Variants in C9 observed in about 807,000 individuals in gnomAD.
C9 encodes complement component C9.
Under a neutral mutation model 65.4 loss-of-function variants are expected in C9, and 63 were observed. The ratio of observed to expected loss-of-function variants is 0.96; its 90% CI spans 0.79 to 1.19. C9 has a LOEUF of 1.19. Ranked by LOEUF, C9 falls within the 50% of genes most tolerant of loss-of-function variation. The pLI, the probability that C9 is intolerant of heterozygous loss-of-function variation, is 0.00. For synonymous variants in C9, 229 were observed against 227.9 expected, an observed-to-expected ratio of 1.00 and a Z score of -0.04; for missense variants, 744 against 670.1, an observed-to-expected ratio of 1.11 and a Z score of -1.22.
intron 5 of C9, among the ~76,000 whole-genome samples, chr5:39,317,417 C>T (rs1397523323): frequency 6.6e-6 from 1 of 152,062 alleles, no homozygotes; most frequent in African/African-American, 2.4e-5. Context: ...AATCTTTGCC[C>T]ATGCCTGTGT....
chr5:39,356,618 T>G (rs1754416846), intron 1 of C9, among the ~76,000 whole-genome samples: 1 of 152,252 alleles, frequency 6.6e-6, no homozygotes, highest in Admixed American at 6.5e-5. Flanking sequence ...CTGTGCCAGC[T>G]ACCTGGCTCA....
At chr5:39,357,760 C>T (rs979895907) in intron 1 of C9, among the ~76,000 whole-genome samples, 3 of 152,118 alleles carry the variant, frequency 2.0e-5, no homozygotes, top group African/African-American at 7.2e-5. Context: ...CTCTTCCCAT[C>T]AAAAGTAGGG....
At chr5:39,306,879 G>T in intron 8 of C9, 87 bp from the exon 9 acceptor site, 1 of 890,062 alleles carries the variant, frequency 1.1e-6, no homozygotes, top group Non-Finnish European at 1.9e-6. Flanking sequence ...AACATTTATT[G>T]AGTCCTTTTA....
chr5:39,309,414 T>C (rs1202175834), intron 7 of C9, among the ~76,000 whole-genome samples: 2 of 152,152 alleles, frequency 1.3e-5, no homozygotes, highest in African/African-American at 2.4e-5. Context: ...TGGGGGCATT[T>C]AGGCGTTTAT....
At chr5:39,356,397 C>A (rs113249718) in intron 1 of C9, among the ~76,000 whole-genome samples, 3 of 152,290 alleles carry the variant, frequency 2.0e-5, no homozygotes, top group African/African-American at 7.2e-5. Context: ...GTAACTTCTG[C>A]ATCTAATAGC....
intron 5 of C9, among the ~76,000 whole-genome samples, 199 bp downstream of exon 5, chr5:39,331,477 T>C (rs1195693915): frequency 2.0e-5 from 3 of 152,200 alleles, no homozygotes; most frequent in Non-Finnish European, 4.4e-5. Context: ...TCTTTATCAC[T>C]AGGTGCATGT....
chr5:39,315,363 A>T (rs1213612855), intron 6 of C9, among the ~76,000 whole-genome samples: 1 of 152,220 alleles, frequency 6.6e-6, no homozygotes, highest in Non-Finnish European at 1.5e-5. Flanking sequence ...GTGCATGTGT[A>T]TAATTTCATA....
At chr5:39,348,583 C>T (rs1267583007) in intron 1 of C9, among the ~76,000 whole-genome samples, 1 of 152,140 alleles carries the variant, frequency 6.6e-6, no homozygotes, top group Non-Finnish European at 1.5e-5. Flanking sequence ...GGACTGTAAA[C>T]TAGTTCAACC....
At chr5:39,310,893 A>G (rs1753469617) in intron 7 of C9, among the ~76,000 whole-genome samples, 1 of 152,338 alleles carries the variant, frequency 6.6e-6, no homozygotes, top group East Asian at 1.9e-4. Context: ...AAGCTGCAAT[A>G]CAATGGATCC....
At chr5:39,335,494 C>T (rs958684544) in intron 4 of C9, among the ~76,000 whole-genome samples, 5 of 152,158 alleles carry the variant, frequency 3.3e-5, no homozygotes, top group East Asian at 1.9e-4. Context: ...ATGATAAGCA[C>T]GTACAAACTT....
In C9 at chr5:39,341,705, A is replaced by G. The variant is rs961877195; in HGVS notation, c.184-5T>C. ...CTCAATGCTTCTTGAACGAAACTGCACAATATCAGTTGGAATGATTAGAAT... is the reference window on the plus strand; with the variant it reads ...CTCAATGCTTCTTGAACGAAACTGCGCAATATCAGTTGGAATGATTAGAAT... On this transcript the variant is annotated splice_polypyrimidine_tract_variant and splice_region_variant and intron_variant, in intron 2 of 10. Coordinates refer to ENST00000263408, the MANE Select transcript of C9 (RefSeq NM_001737.5). 6.2e-7 allele frequency: 1 copy of G among 1,613,888 alleles called. No homozygotes were observed. Among genetic ancestry groups the G allele is most frequent in the Middle Eastern group, 1.7e-4 (1 of 6,060 alleles).
chr5:39,350,205 A>G (rs1754297032), intron 1 of C9, among the ~76,000 whole-genome samples: 1 of 152,200 alleles, frequency 6.6e-6, no homozygotes, highest in Non-Finnish European at 1.5e-5. Flanking sequence ...AGTTTTTAAC[A>G]ACCAGGTCTC....
At chr5:39,286,289 C>A (rs951720458) in intron 10 of C9, among the ~76,000 whole-genome samples, 11 of 151,934 alleles carry the variant, frequency 7.2e-5, no homozygotes, top group Non-Finnish European at 1.3e-4. Context: ...AAAAACTAAG[C>A]CTGTAATAAA....
intron 7 of C9, 24 bp downstream of exon 7, chr5:39,311,113 T>A (rs749631908): frequency 1.9e-6 from 3 of 1,612,026 alleles, no homozygotes; most frequent in Non-Finnish European, 2.5e-6. Flanking sequence ...GTATTTGAAG[T>A]CAGAGCTCTA....
At position 39,321,240 on chromosome 5, in the gene C9, A is replaced by C. The variant is rs560253564; in HGVS notation, c.616-5211T>G. On this transcript the variant is annotated intron_variant, in intron 5 of 10. Transcript: ENST00000263408. ...TAGCTATAATAGTTAAGGAATACAC[A>C]ATATAAAAAGATGTTAATTGTGACA... Among the ~76,000 whole-genome samples, 11 of 152,268 alleles carry C rather than the reference A, an allele frequency of 7.2e-5. No homozygotes were observed. The South Asian group carries it at 1.7e-3, about 23-fold the overall frequency.
chr5:39,344,342 T>C, intron 1 of C9, among the ~76,000 whole-genome samples: 1 of 152,206 alleles, frequency 6.6e-6, no homozygotes, highest in East Asian at 1.9e-4. Context: ...CTGATGGAGC[T>C]GAAAACCATG....
At chr5:39,292,209 G>A (rs1292997744) in intron 9 of C9, among the ~76,000 whole-genome samples, 1 of 151,498 alleles carries the variant, frequency 6.6e-6, no homozygotes, top group Non-Finnish European at 1.5e-5. Flanking sequence ...AAATCTTCAA[G>A]GCGATGACAA....
chr5:39,290,484 CA>C (rs1753069261), intron 9 of C9, among the ~76,000 whole-genome samples: 1 of 151,080 alleles, frequency 6.6e-6, no homozygotes, highest in Non-Finnish European at 1.5e-5. Flanking sequence ...CAAACAAAAA[CA>C]AAAAACAAAC....
At chr5:39,325,226 A>AT (rs1164677026) in intron 5 of C9, among the ~76,000 whole-genome samples, 1 of 152,208 alleles carries the variant, frequency 6.6e-6, no homozygotes, top group African/African-American at 2.4e-5. Flanking sequence ...TGAACAACAG[A>AT]TTCATTGTAA....
Sources: allele counts gnomAD v4.1 joint callset (sites outside exome capture counted in the v4.1 genomes callset), GRCh38; gene constraint gnomAD v4.1.1; transcripts MANE v1.5; gene names NCBI Gene and HGNC (gene_info 2026-07-23, HGNC 2026-07-21).